Variants in DDX60L observed in about 807,000 individuals in gnomAD.
DDX60L encodes the protein DExD/H-box 60 like, also known as probable ATP-dependent RNA helicase DDX60-like.
DDX60L carries 191 observed loss-of-function variants against 211.6 expected under a neutral mutation model. That is an observed-to-expected ratio of 0.90 (90% CI 0.80 to 1.02). DDX60L has a LOEUF of 1.02. Among genes scored for constraint, DDX60L ranks in the 50% least tolerant of loss-of-function variants. The pLI, the probability that DDX60L is intolerant of heterozygous loss-of-function variation, is 0.00. For synonymous variants in DDX60L, 706 were observed against 694.1 expected, an observed-to-expected ratio of 1.02 and a Z score of -0.27; for missense variants, 2,007 against 1,984.1, an observed-to-expected ratio of 1.01 and a Z score of -0.22.
At chr4:168,420,678 TAGATAGACAGACAGAC>T (rs370375005) in intron 17 of DDX60L, among the ~76,000 whole-genome samples, 6,186 of 103,048 alleles carry the variant, frequency 0.06, 249 homozygotes, top group East Asian at 0.13. Context: ...GATAGATAGA[TAGATAGACAGACAGAC>T]AGACAGACAG....
chr4:168,445,713 G>A (rs1377231036), intron 9 of DDX60L, among the ~76,000 whole-genome samples: 156 of 150,982 alleles, frequency 1.0e-3, no homozygotes, highest in African/African-American at 3.7e-3. Context: ...TGGGATGCAA[G>A]GCTGGTTCAA....
chr4:168,417,569 T>C (rs1432593061), intron 19 of DDX60L, among the ~76,000 whole-genome samples: 2 of 152,186 alleles, frequency 1.3e-5, no homozygotes, highest in African/African-American at 4.8e-5. Flanking sequence ...GAAAACTAAC[T>C]GATTTTTTTT....
chr4:168,472,514 A>G lies in DDX60L; in HGVS notation c.15T>C (p.Asp5=). 7.0e-6 allele frequency: 11 copies of G among 1,580,124 alleles called. No individual in the cohort carries two copies. Among genetic ancestry groups the G allele is most frequent in the Non-Finnish European group, 9.5e-6 (11 of 1,161,550 alleles). The change falls in exon 3 of 38, where the codon GAT becomes GAC. Residue 5 remains aspartate, a synonymous_variant. Transcript: ENST00000682922. The part of the protein sequence containing the change: MGSK[D]HAVFFREMTQ... ...TCATTTCCCTGAAAAATACTGCATG[A>G]TCCTTTGACCCTAAAAATAAGGAGA...
At position 168,369,712 on chromosome 4, in the gene DDX60L, A is replaced by G. The variant is rs79183897; in HGVS notation, c.4928+1900T>C. On this transcript the variant is annotated intron_variant, in intron 36 of 37. Coordinates refer to ENST00000682922, the MANE Select transcript of DDX60L (RefSeq NM_001012967.3). ...GACAAAAGATTCATATCCAGAATACATAAGAAACATAACAGCAAAAAAAAT... is the reference window on the plus strand; with the variant it reads ...GACAAAAGATTCATATCCAGAATACGTAAGAAACATAACAGCAAAAAAAAT... 4.0e-3 allele frequency among the ~76,000 whole-genome samples: 602 copies of G among 152,266 alleles called. 2 individuals are homozygous for G. Among genetic ancestry groups the G allele is most frequent in the African/African-American group, 0.014 (580 of 41,576 alleles).
At chr4:168,366,132 C>T (rs1030257924) in intron 36 of DDX60L, among the ~76,000 whole-genome samples, 3 of 152,036 alleles carry the variant, frequency 2.0e-5, no homozygotes, top group African/African-American at 7.2e-5. Context: ...ACTAGTAGTC[C>T]TAGCCAGGGC....
intron 8 of DDX60L, among the ~76,000 whole-genome samples, chr4:168,451,161 T>C (rs1354894371): frequency 6.6e-6 from 1 of 152,202 alleles, no homozygotes; most frequent in African/African-American, 2.4e-5. Context: ...GACCACTAAA[T>C]TCTGGAATAT....
intron 6 of DDX60L, among the ~76,000 whole-genome samples, chr4:168,457,434 T>C (rs1056414402): frequency 2.1e-5 from 3 of 143,476 alleles, no homozygotes; most frequent in Non-Finnish European, 3.0e-5. Flanking sequence ...CTTTTACCGC[T>C]TGAGCATCAG....
chr4:168,402,153 G>C (rs1325441854), intron 25 of DDX60L, among the ~76,000 whole-genome samples: 1 of 141,650 alleles, frequency 7.1e-6, no homozygotes, highest in Non-Finnish European at 1.5e-5. Flanking sequence ...TTTGAGACAG[G>C]CTCTTGCTCT....
chr4:168,449,652 CAAAAAAAAAAAAAGAA>C (rs1278075854), intron 8 of DDX60L, among the ~76,000 whole-genome samples: 2 of 7,936 alleles, frequency 2.5e-4, no homozygotes, highest in Admixed American at 3.4e-3. Context: ...AAAAAAAATG[CAAAAAAAAAAAAAGAA>C]AAAAGAAAAA....
At chr4:168,432,659 CCT>C (rs1752527035) in intron 11 of DDX60L, 89 bp from the exon 12 acceptor site, 1 of 704,690 alleles carries the variant, frequency 1.4e-6, no homozygotes, top group Non-Finnish European at 2.2e-6. Context: ...AATTGTACAA[CCT>C]CTTTTTCTAT....
chr4:168,443,527 C>T (rs186562751), intron 9 of DDX60L, among the ~76,000 whole-genome samples: 10,334 of 151,570 alleles, frequency 0.068, 1,163 homozygotes, highest in African/African-American at 0.23. Context: ...ATATAGAGAA[C>T]GCCAAAAAGA....
At chr4:168,477,242 T>A (rs185180473) in intron 1 of DDX60L, among the ~76,000 whole-genome samples, 5 of 151,918 alleles carry the variant, frequency 3.3e-5, no homozygotes, top group Admixed American at 6.6e-5. Context: ...GGTGAAACCC[T>A]GTCTCTACTA....
rs1033382687 is a variant in DDX60L at position 168,378,239 on chromosome 4, T to C, written c.4485+115A>G. 2.5e-5 allele frequency: 14 copies of C among 557,106 alleles called. No individual in the cohort carries two copies. The African/African-American group carries it at 2.5e-4, about 10-fold the overall frequency. The allele number at this position is 557,106 out of a possible 1,614,324, so 34.5% of individuals were successfully genotyped here. On this transcript the variant is annotated intron_variant, in intron 33 of 37. Coordinates refer to ENST00000682922, the MANE Select transcript of DDX60L (RefSeq NM_001012967.3). Reference sequence around the variant, plus strand: ...CTCTAATTATGAAAAGACAACACTATTAAAACAAATGGAGTAGCTTATATT... The same window carrying C: ...CTCTAATTATGAAAAGACAACACTACTAAAACAAATGGAGTAGCTTATATT...
rs1755206485 is a variant in DDX60L, at chr4:168,448,738, A to G, written c.1038T>C (p.Val346=). 6.2e-7 allele frequency: 1 copy of G among 1,607,414 alleles called. No homozygotes were observed. The highest frequency in any genetic ancestry group is 1.7e-5 in the Admixed American group (1 of 59,592). ...CEYFILSNLN[V]FGCWNLNLNH... The stretch of plus-strand genomic sequence containing the variant: ...TTAAATTCAGATTCCAGCATCCAAA[A>G]ACGTTTAAGTTGCTTAAAATGAAAT... Residue 346 remains valine (V), a synonymous_variant, in exon 9 of 38, where the codon GTT becomes GTC. Coordinates refer to ENST00000682922, the MANE Select transcript of DDX60L (RefSeq NM_001012967.3).
At chr4:168,404,626 G>A (rs12331929) in intron 24 of DDX60L, among the ~76,000 whole-genome samples, 4,952 of 152,102 alleles carry the variant, frequency 0.033, 283 homozygotes, top group African/African-American at 0.11. Context: ...AAATACAATG[G>A]CCAATAGAAG....
At chr4:168,457,867 T>C (rs1756805009) in intron 6 of DDX60L, 25 bp downstream of exon 6, 1 of 1,405,182 alleles carries the variant, frequency 7.1e-7, no homozygotes, top group South Asian at 1.3e-5. Context: ...CAAACTTTTA[T>C]TTAAAGAAAT....
intron 1 of DDX60L, among the ~76,000 whole-genome samples, chr4:168,478,200 G>GA (rs1426288424): frequency 1.4e-5 from 2 of 145,310 alleles, no homozygotes; most frequent in African/African-American, 2.5e-5. Context: ...AAAAAAAAAA[G>GA]AAAAAAAACA....
At chr4:168,361,920 G>A (rs1210762590) in intron 36 of DDX60L, among the ~76,000 whole-genome samples, 1 of 152,180 alleles carries the variant, frequency 6.6e-6, no homozygotes, top group Non-Finnish European at 1.5e-5. Flanking sequence ...ATGGCATGAT[G>A]ACATTTTGAA....
intron 4 of DDX60L, chr4:168,470,849 AAAAG>A (rs1394482544): frequency 1.4e-5 from 4 of 283,736 alleles, no homozygotes; most frequent in African/African-American, 2.3e-5. Flanking sequence ...TAAAAAAAAA[AAAAG>A]AAAGTTCTAC....
Sources: gnomAD v4.1 joint callset for allele counts (sites outside exome capture counted in the v4.1 genomes callset) on GRCh38, gnomAD v4.1.1 for gene constraint, MANE v1.5 for transcripts, NCBI Gene and HGNC (gene_info 2026-07-23, HGNC 2026-07-21) for gene names.